The following CDH18 variants were observed in gnomAD, a reference collection of about 807,000 sequenced individuals.
CDH18 encodes the protein cadherin-18.
CDH18 carries 31 observed loss-of-function variants against 67.9 expected under a neutral mutation model. The ratio of observed to expected loss-of-function variants is 0.46; its 90% CI spans 0.34 to 0.62. The LOEUF is 0.62. Ranked by LOEUF, CDH18 falls within the 20% of genes least tolerant of loss-of-function variation. CDH18 has a pLI of 0.01. For synonymous variants in CDH18, 362 were observed against 347.2 expected, an observed-to-expected ratio of 1.04 and a Z score of -0.48; for missense variants, 890 against 975.5, an observed-to-expected ratio of 0.91 and a Z score of 1.17.
intron 2 of CDH18, among the ~76,000 whole-genome samples, chr5:19,878,423 T>C (rs1048560260): frequency 1.3e-5 from 2 of 152,104 alleles, no homozygotes; most frequent in Non-Finnish European, 2.9e-5. Context: ...GTTAGGAACT[T>C]AGGCAATAGA....
intron 9 of CDH18, among the ~76,000 whole-genome samples, chr5:19,538,993 G>A (rs545438411): frequency 6.6e-6 from 1 of 152,076 alleles, no homozygotes; most frequent in Non-Finnish European, 1.5e-5. Flanking sequence ...AAAATACTTG[G>A]GTAGCGTGGT....
chr5:19,810,905 C>T (rs939816590), intron 3 of CDH18, among the ~76,000 whole-genome samples: 2 of 151,812 alleles, frequency 1.3e-5, no homozygotes, highest in Non-Finnish European at 2.9e-5. Flanking sequence ...TGCCTGTAAT[C>T]CCAGCTACTT....
intron 2 of CDH18, among the ~76,000 whole-genome samples, chr5:20,011,735 T>C (rs1291114718): frequency 6.6e-6 from 1 of 152,142 alleles, no homozygotes; most frequent in Non-Finnish European, 1.5e-5. Context: ...GTTCTGTTTA[T>C]GTGAGGAATC....
At chr5:20,037,805 C>T (rs779847266) in intron 2 of CDH18, among the ~76,000 whole-genome samples, 4 of 151,686 alleles carry the variant, frequency 2.6e-5, no homozygotes, top group Non-Finnish European at 5.9e-5. Flanking sequence ...TAGAGAAGCA[C>T]GAGCAAACAC....
chr5:20,532,676 T>C (rs1756480306), intron 1 of CDH18, among the ~76,000 whole-genome samples: 3 of 152,110 alleles, frequency 2.0e-5, no homozygotes, highest in African/African-American at 7.2e-5. Context: ...TTTGGTTCCA[T>C]GTCTTTTCTC....
At chr5:19,837,607 T>C (rs1430422737) in intron 3 of CDH18, among the ~76,000 whole-genome samples, 1 of 152,114 alleles carries the variant, frequency 6.6e-6, no homozygotes, top group East Asian at 1.9e-4. Context: ...GTTTTAGATC[T>C]TTTTTTATGT....
At chr5:19,797,823 AGC>A (rs1777018081) in intron 3 of CDH18, among the ~76,000 whole-genome samples, 1 of 152,058 alleles carries the variant, frequency 6.6e-6, no homozygotes, top group South Asian at 2.1e-4. Flanking sequence ...AATATAGGCA[AGC>A]CTATTCTAAA....
Position 19,471,735 on chromosome 5 carries a change from A to T in CDH18, c.*1491T>A, listed in dbSNP as rs1737668588. Among the ~76,000 whole-genome samples, 1 of 152,178 alleles carries T rather than the reference A, an allele frequency of 6.6e-6. No individual in the cohort carries two copies. Among genetic ancestry groups the T allele is most frequent in the Non-Finnish European group, 1.5e-5 (1 of 68,022 alleles). On this transcript the variant is annotated 3_prime_UTR_variant, in exon 13 of 13. Coordinates refer to ENST00000382275, the MANE Select transcript of CDH18 (RefSeq NM_004934.5). ...GAAATTAGCTTATGAAAATATTAAAATAATTGGAATTGTGTACATATATTT... is the reference window on the plus strand; with the variant it reads ...GAAATTAGCTTATGAAAATATTAAATTAATTGGAATTGTGTACATATATTT...
chr5:20,510,632 C>G (rs1754976023), intron 1 of CDH18, among the ~76,000 whole-genome samples: 1 of 152,092 alleles, frequency 6.6e-6, no homozygotes, highest in Non-Finnish European at 1.5e-5. Flanking sequence ...AAGAAAGACT[C>G]AAGCCCATAA....
intron 5 of CDH18, among the ~76,000 whole-genome samples, chr5:19,697,974 A>G (rs1218019851): frequency 6.6e-6 from 1 of 152,098 alleles, no homozygotes; most frequent in Non-Finnish European, 1.5e-5. Context: ...TGAAATTCAC[A>G]TGGAATCTTT....
chr5:20,436,681 T>C (rs1749189939), intron 1 of CDH18, among the ~76,000 whole-genome samples: 1 of 151,424 alleles, frequency 6.6e-6, no homozygotes, highest in Non-Finnish European at 1.5e-5. Flanking sequence ...TACACATATA[T>C]ACATACACAT....
At chr5:19,790,386 C>A (rs148947915) in intron 3 of CDH18, among the ~76,000 whole-genome samples, 1 of 151,978 alleles carries the variant, frequency 6.6e-6, no homozygotes, top group Non-Finnish European at 1.5e-5. Flanking sequence ...ATACTATGTG[C>A]GAGTGCTTGG....
At chr5:20,220,737 T>G (rs183207185) in intron 2 of CDH18, among the ~76,000 whole-genome samples, 148 of 151,918 alleles carry the variant, frequency 9.7e-4, no homozygotes, top group African/African-American at 3.5e-3. Context: ...TGACAAGGGA[T>G]TAATAACCAG....
At chr5:20,256,978 AT>A (rs1385325650) in intron 1 of CDH18, among the ~76,000 whole-genome samples, 15 of 133,580 alleles carry the variant, frequency 1.1e-4, no homozygotes, top group South Asian at 2.3e-4. Context: ...ATCTATATCT[AT>A]ATCTATATCT....
At chr5:19,759,518 A>G (rs1441346526) in intron 3 of CDH18, among the ~76,000 whole-genome samples, 1 of 152,116 alleles carries the variant, frequency 6.6e-6, no homozygotes, top group Non-Finnish European at 1.5e-5. Context: ...GGAAATTACC[A>G]CAGGCCGAGT....
intron 5 of CDH18, among the ~76,000 whole-genome samples, chr5:19,638,654 C>A (rs149720916): frequency 3.5e-4 from 53 of 151,640 alleles, no homozygotes; most frequent in Non-Finnish European, 5.2e-4. Context: ...GCCTTCCCCC[C>A]CCGCGCCCCA....
At chr5:19,964,036 T>C (rs1797180702) in intron 2 of CDH18, among the ~76,000 whole-genome samples, 1 of 152,022 alleles carries the variant, frequency 6.6e-6, no homozygotes, top group East Asian at 2.0e-4. Context: ...GGGGATTACA[T>C]GGGAATTACA....
rs1304481814 is a variant in CDH18 at position 20,095,603 on chromosome 5, G to GAAAGA, written c.-517-103594_-517-103590dup. 5.7e-4 allele frequency among the ~76,000 whole-genome samples: 81 copies of GAAAGA among 141,724 alleles called. 1 individual carries two copies. The South Asian group carries it at 0.015, about 27-fold the overall frequency. 93.0% of individuals were successfully genotyped at this position (141,724 alleles called of 152,430 possible). ...AAGGAAGAAAGGAAGAAAGAAGAAA[G>GAAAGA]AAAGAAAAGAAAAGAAAAGAAAGAA... On this transcript the variant is annotated intron_variant, in intron 2 of 14. Transcript: ENST00000507958.
At chr5:20,359,211 G>A (rs1198201594) in intron 1 of CDH18, among the ~76,000 whole-genome samples, 1 of 152,056 alleles carries the variant, frequency 6.6e-6, no homozygotes, top group Non-Finnish European at 1.5e-5. Context: ...GATTACAAGT[G>A]TGAGCCACCA....
Sources: gnomAD v4.1 joint callset for allele counts (sites outside exome capture counted in the v4.1 genomes callset) on GRCh38, gnomAD v4.1.1 for gene constraint, MANE v1.5 for transcripts, NCBI Gene and HGNC (gene_info 2026-07-23, HGNC 2026-07-21) for gene names.